The following RBFOX1 variants were observed in gnomAD, a reference collection of about 807,000 sequenced individuals.
The protein encoded by RBFOX1 is RNA binding protein fox-1 homolog 1.
RBFOX1 carries 8 observed loss-of-function variants against 57.7 expected under a neutral mutation model. The ratio of observed to expected loss-of-function variants is 0.14; its 90% confidence interval spans 0.08 to 0.25. RBFOX1 has a LOEUF of 0.25. Among genes scored for constraint, RBFOX1 ranks in the 10% least tolerant of loss-of-function variants. The probability of loss-of-function intolerance (pLI) is 1.00; values close to 1 mark genes in which losing one functional copy is unlikely to be tolerated. For missense variants in RBFOX1, 611 were observed against 548.5 expected (o/e 1.11, Z -1.14); for synonymous variants, 326 against 222.4 (o/e 1.47, Z -4.15).
At chr16:5,330,435 G>A (rs1182817170) in intron 1 of RBFOX1, among the ~76,000 whole-genome samples, 1 of 152,006 alleles carries the variant, frequency 6.6e-6, no homozygotes, top group Non-Finnish European at 1.5e-5. Context: ...CAGAGTCTCA[G>A]TCTGTCACCC....
At chr16:7,621,532 G>A (rs144720308) in intron 10 of RBFOX1, among the ~76,000 whole-genome samples, 3,200 of 152,240 alleles carry the variant, frequency 0.021, 114 homozygotes, top group African/African-American at 0.072. Context: ...AAAGTGCTGG[G>A]ATTACAGGCA....
rs570716682 is a variant in RBFOX1, at chr16:7,043,861, T to G, written c.-15-8196T>G. 1.4e-4 allele frequency among the ~76,000 whole-genome samples: 21 copies of G among 152,316 alleles called. No individual in the cohort carries two copies. The South Asian group carries it at 4.1e-3, about 30-fold the overall frequency. ...ATAATCTCACTGAGCTTTCCACACA[T>G]CCTCCTGCCTTTCCTCTGAATATAT... is the stretch of plus-strand genomic sequence containing the variant. On this transcript the variant is annotated intron_variant, in intron 3 of 15. Transcript: ENST00000550418.
chr16:5,340,869 T>C (rs146491519), intron 1 of RBFOX1, among the ~76,000 whole-genome samples: 6 of 152,240 alleles, frequency 3.9e-5, no homozygotes, highest in African/African-American at 1.4e-4. Context: ...CAGACAGTGA[T>C]GAGGACTCAG....
At chr16:7,591,669 C>T (rs1293203683) in intron 7 of RBFOX1, among the ~76,000 whole-genome samples, 1 of 152,176 alleles carries the variant, frequency 6.6e-6, no homozygotes, top group African/African-American at 2.4e-5. Context: ...GAAGGTGTGT[C>T]TCTGACTCCC....
At chr16:7,016,772 C>G (rs2153664631) in intron 3 of RBFOX1, among the ~76,000 whole-genome samples, 1 of 152,278 alleles carries the variant, frequency 6.6e-6, no homozygotes, top group Non-Finnish European at 1.5e-5. Flanking sequence ...TTTTAGGATG[C>G]TGTGAGCAGG....
Position 6,567,762 on chromosome 16 carries a change from C to G in RBFOX1, c.-63-86841C>G, listed in dbSNP as rs115502419. On this transcript the variant is annotated intron_variant, in intron 2 of 15. Coordinates refer to ENST00000550418, the MANE Select transcript of RBFOX1 (RefSeq NM_018723.4). ...GGCCACATTTTTGAGTTGGTCCATA[C>G]AAAGCAACAAATTAAGCATTTAGGG... is the stretch of plus-strand genomic sequence containing the variant. Among the ~76,000 whole-genome samples the G allele has an allele frequency of 2.4e-3, 366 of 152,230 alleles. 4 individuals carry two copies. The highest frequency in any genetic ancestry group is 8.3e-3 in the African/African-American group (344 of 41,542).
At chr16:5,528,384 G>T (rs1205498878) in intron 2 of RBFOX1, among the ~76,000 whole-genome samples, 1 of 152,018 alleles carries the variant, frequency 6.6e-6, no homozygotes, top group Non-Finnish European at 1.5e-5. Flanking sequence ...AGGAGTATGT[G>T]TTGCACATTT....
intron 3 of RBFOX1, among the ~76,000 whole-genome samples, chr16:6,672,960 T>C (rs768163499): frequency 6.6e-6 from 1 of 152,102 alleles, no homozygotes; most frequent in Non-Finnish European, 1.5e-5. Context: ...CTGGTCTGAA[T>C]TGTACCCCAG....
chr16:5,522,446 C>T (rs1229104040), intron 2 of RBFOX1, among the ~76,000 whole-genome samples: 1 of 152,188 alleles, frequency 6.6e-6, no homozygotes, highest in East Asian at 1.9e-4. Context: ...TTAAGAGGTA[C>T]ATGTAGTATT....
At chr16:7,283,629 C>G (rs1323205337) in intron 4 of RBFOX1, among the ~76,000 whole-genome samples, 4 of 152,128 alleles carry the variant, frequency 2.6e-5, no homozygotes, top group Non-Finnish European at 4.4e-5. Flanking sequence ...TCCTCAGAAG[C>G]TGTATCCTTA....
chr16:7,432,900 G>A (rs774077777), intron 4 of RBFOX1, among the ~76,000 whole-genome samples: 1 of 152,210 alleles, frequency 6.6e-6, no homozygotes, highest in Non-Finnish European at 1.5e-5. Context: ...AGAATCAACA[G>A]CCTTATGGTG....
intron 1 of RBFOX1, among the ~76,000 whole-genome samples, chr16:6,081,602 A>G (rs1420650358): frequency 6.6e-6 from 1 of 152,180 alleles, no homozygotes; most frequent in Non-Finnish European, 1.5e-5. Context: ...ACCATTACAA[A>G]GAGCTTCCCG....
intron 5 of RBFOX1, among the ~76,000 whole-genome samples, chr16:7,530,677 C>G (rs1395196345): frequency 6.6e-6 from 1 of 152,060 alleles, no homozygotes; most frequent in Non-Finnish European, 1.5e-5. Flanking sequence ...CCTTTGTATC[C>G]CCGAAGAATG....
rs1600194669 is a variant in RBFOX1, at chr16:7,503,006, G to C, written c.28-15141G>C. ...CCACTGCACTCCAGCCTGGGTGACA[G>C]AGCAAGACTCTGTCTCAAAAAAAAT... is the stretch of plus-strand genomic sequence containing the variant. On this transcript the variant is annotated intron_variant, in intron 4 of 15. Coordinates refer to ENST00000550418, the MANE Select transcript of RBFOX1 (RefSeq NM_018723.4). Among the ~76,000 whole-genome samples the C allele has an allele frequency of 2.6e-5, 4 of 152,218 alleles. No individual in the cohort carries two copies. The East Asian group carries it at 7.7e-4, about 29-fold the overall frequency.
intron 1 of RBFOX1, among the ~76,000 whole-genome samples, chr16:5,385,784 G>C (rs1045845681): frequency 4.6e-5 from 7 of 152,154 alleles, no homozygotes; most frequent in African/African-American, 1.4e-4. Flanking sequence ...TCGAGCAGTG[G>C]CCTTGTCTGT....
chr16:7,701,236 G>T (rs891082872), intron 14 of RBFOX1, among the ~76,000 whole-genome samples: 1 of 145,364 alleles, frequency 6.9e-6, no homozygotes, highest in African/African-American at 2.9e-5. Flanking sequence ...CATTTTTGGA[G>T]ACTTTGCTGC....
At chr16:6,115,389 T>G (rs1045668484) in intron 1 of RBFOX1, among the ~76,000 whole-genome samples, 1 of 151,566 alleles carries the variant, frequency 6.6e-6, no homozygotes. Flanking sequence ...AAAAGAGGTC[T>G]TTATTATTAT....
intron 1 of RBFOX1, among the ~76,000 whole-genome samples, chr16:6,112,632 G>A (rs755567388): frequency 2.6e-5 from 4 of 152,164 alleles, no homozygotes; most frequent in South Asian, 4.2e-4. Context: ...CGGAGGTTGC[G>A]GTGAGCTGAG....
intron 5 of RBFOX1, among the ~76,000 whole-genome samples, chr16:7,544,552 C>G (rs944751293): frequency 1.3e-5 from 2 of 152,120 alleles, no homozygotes; most frequent in African/African-American, 2.4e-5. Context: ...ACAGATTGGA[C>G]TAATACCAGG....
Sources: allele counts gnomAD v4.1 joint callset (sites outside exome capture counted in the v4.1 genomes callset), GRCh38; gene constraint gnomAD v4.1.1; transcripts MANE v1.5; gene names NCBI Gene and HGNC (gene_info 2026-07-23, HGNC 2026-07-21).